Variants in POU2F3 observed in about 807,000 individuals in gnomAD.
The protein encoded by POU2F3 is POU domain, class 2, transcription factor 3.
In POU2F3, 23 loss-of-function variants were observed where a neutral mutation model predicts 59.2. The observed-to-expected ratio is 0.39, with a 90% confidence interval of 0.28 to 0.55. The LOEUF (loss-of-function observed/expected upper bound fraction) is 0.55. POU2F3 is among the 20% of genes least tolerant of loss of function. POU2F3 has a pLI of 0.66. For synonymous variants in POU2F3, 190 were observed against 214.6 expected (o/e 0.89, Z 1.00); for missense variants, 473 against 544.5 (o/e 0.87, Z 1.31).
At chr11:120,312,280 C>A (rs557793658) in intron 10 of POU2F3, among the ~76,000 whole-genome samples, 2 of 152,202 alleles carry the variant, frequency 1.3e-5, no homozygotes, top group South Asian at 4.2e-4. Context: ...CCCACCATCA[C>A]ACCTGGCTAA....
intron 10 of POU2F3, among the ~76,000 whole-genome samples, chr11:120,312,104 G>T (rs1337866802): frequency 6.6e-6 from 1 of 152,106 alleles, no homozygotes; most frequent in Non-Finnish European, 1.5e-5. Context: ...AGAAGGCATG[G>T]AATTTTTTAA....
chr11:120,299,971 A>G lies in POU2F3; in HGVS notation c.361+245A>G, dbSNP rs139801160. On this transcript the variant is annotated intron_variant, in intron 5 of 12. Transcript: ENST00000543440. ...TTGGGTGGTCTGGTCCACCTCCTCA[A>G]TTTCGTGGTGAGTGGAGACGGAAGG... Among the ~76,000 whole-genome samples the G allele has an allele frequency of 3.0e-3, 462 of 152,078 alleles. 1 individual carries two copies. The highest frequency in any genetic ancestry group is 3.6e-3 in the Non-Finnish European group (245 of 67,972).
Position 120,285,731 on chromosome 11 carries a change from T to C in POU2F3, c.133-12534T>C, listed in dbSNP as rs1168777934. Reference sequence around the variant, plus strand: ...ATTACAAATGGAAATGTATAAATTTTTGTGGCCTACACACATATGTACAAA... The same window carrying C: ...ATTACAAATGGAAATGTATAAATTTCTGTGGCCTACACACATATGTACAAA... On this transcript the variant is annotated intron_variant, in intron 3 of 12. Coordinates refer to ENST00000543440, the MANE Select transcript of POU2F3 (RefSeq NM_014352.4). This position sits in a 1 kb window ranked among gnomAD's most constrained non-coding sequence, Gnocchi z 4.3. 6.6e-6 allele frequency among the ~76,000 whole-genome samples: 1 copy of C among 152,248 alleles called. No individual in the cohort carries two copies. Among genetic ancestry groups the C allele is most frequent in the Non-Finnish European group, 1.5e-5 (1 of 68,046 alleles).
At chr11:120,267,995 A>G (rs1812757575) in intron 2 of POU2F3, among the ~76,000 whole-genome samples, 1 of 152,060 alleles carries the variant, frequency 6.6e-6, no homozygotes, top group African/African-American at 2.4e-5. Flanking sequence ...CTATTCACAT[A>G]GCAAAAGAGT....
At chr11:120,264,920 T>C (rs868033177) in intron 2 of POU2F3, among the ~76,000 whole-genome samples, 9 of 152,224 alleles carry the variant, frequency 5.9e-5, no homozygotes, top group African/African-American at 1.9e-4. Flanking sequence ...TTCCTTTCTC[T>C]GGGAAAGAGG....
chr11:120,267,603 GCCCA>G lies in POU2F3; in HGVS notation c.98-1606_98-1603del, dbSNP rs1591392983. 6.0e-5 allele frequency among the ~76,000 whole-genome samples: 4 copies of G among 67,148 alleles called. No homozygotes were observed. The East Asian group carries it at 0.067, about 1,119-fold the overall frequency. The allele number at this position is 67,148 out of a possible 152,430, so 44.1% of individuals were successfully genotyped here. On this transcript the variant is annotated intron_variant, in intron 2 of 12. Coordinates refer to ENST00000543440, the MANE Select transcript of POU2F3 (RefSeq NM_014352.4). The stretch of plus-strand genomic sequence containing the variant: ...GACCACACAGGAAAGGGCTGTACTT[GCCCA>G]TGGTTGTTTAGGACACAGCTGAGGA...
intron 6 of POU2F3, chr11:120,302,729 T>C (rs1343476952): frequency 8.9e-6 from 2 of 223,636 alleles, no homozygotes; most frequent in Non-Finnish European, 1.8e-5. Flanking sequence ...CTAGGTGCTC[T>C]CAAGCCCCAA....
At position 120,307,523 on chromosome 11, in the gene POU2F3, C is replaced by A; in HGVS notation, c.814C>A (p.Pro272Thr). The A allele has an allele frequency of 6.2e-7, 1 of 1,614,192 alleles. No individual in the cohort carries two copies. The highest frequency in any genetic ancestry group is 1.1e-5 in the South Asian group (1 of 91,084). Residue 272 changes from proline (P) to threonine (T), a missense_variant, in exon 9 of 13, where the codon CCC becomes ACC. Transcript: ENST00000543440. ...DPSVSTPSSY[P>T]SLSEVFGRKR... ...CTCAGTGAGCACGCCCAGCTCCTAC[C>A]CCAGCCTCAGTGAAGTATTTGGTAG...
At chr11:120,298,491 G>A (rs1417284065) in intron 4 of POU2F3, 101 bp downstream of exon 4, 12 of 1,494,588 alleles carry the variant, frequency 8.0e-6, no homozygotes, top group Admixed American at 6.0e-5. Flanking sequence ...ACCCCCTGCA[G>A]GCAATGTGGG....
At chr11:120,240,442 G>C (rs113817567) in intron 1 of POU2F3, 71 bp downstream of exon 1, 1 of 1,298,914 alleles carries the variant, frequency 7.7e-7, no homozygotes, top group Non-Finnish European at 9.9e-7. Context: ...GAGGGACAAC[G>C]TTCTGGTTAG....
intron 2 of POU2F3, among the ~76,000 whole-genome samples, chr11:120,251,458 A>G (rs1591375913): frequency 6.6e-6 from 1 of 152,362 alleles, no homozygotes; most frequent in East Asian, 1.9e-4. Context: ...CAGGACTTGA[A>G]TTTCTTCATC....
chr11:120,306,655 G>A (rs1187657474), intron 8 of POU2F3, among the ~76,000 whole-genome samples: 1 of 152,158 alleles, frequency 6.6e-6, no homozygotes, highest in Non-Finnish European at 1.5e-5. Flanking sequence ...GAGAGGGAGT[G>A]AGCCAGTCTC....
rs1941524782 is a variant in POU2F3 at position 120,307,385 on chromosome 11, C to A, written c.770-94C>A. The A allele has an allele frequency of 7.7e-6, 11 of 1,430,992 alleles. 1 individual carries two copies. In the South Asian group the frequency reaches 1.3e-4, roughly 16 times the overall value. The allele number at this position is 1,430,992 out of a possible 1,614,324, so 88.6% of individuals were successfully genotyped here. A position where few individuals can be genotyped will look rare whatever the true frequency, so the allele number is the denominator to read the frequency against. Reference sequence around the variant, plus strand: ...TGCTCCTGAAAATGCCACTGCAGAGCCCATCGGGAAGGGTTGTTGGACCTC... The same window carrying A: ...TGCTCCTGAAAATGCCACTGCAGAGACCATCGGGAAGGGTTGTTGGACCTC... On this transcript the variant is annotated intron_variant, in intron 8 of 12. Transcript: ENST00000543440.
intron 3 of POU2F3, among the ~76,000 whole-genome samples, chr11:120,272,036 C>T (rs1363740725): frequency 6.6e-6 from 1 of 152,154 alleles, no homozygotes; most frequent in African/African-American, 2.4e-5. Flanking sequence ...TCCCAGGCCC[C>T]TGCTTGAGGG....
intron 2 of POU2F3, among the ~76,000 whole-genome samples, chr11:120,259,719 T>G (rs1294067184): frequency 6.6e-6 from 1 of 152,212 alleles, no homozygotes; most frequent in Non-Finnish European, 1.5e-5. Flanking sequence ...TTAGAGGAAG[T>G]TGAAGGCTAC....
chr11:120,303,179 TAA>T (rs1941395574), intron 6 of POU2F3: 1 of 146,626 alleles, frequency 6.8e-6, no homozygotes, highest in Admixed American at 6.9e-5. Flanking sequence ...CTGAGGCCAC[TAA>T]AAGTACCTGG....
At chr11:120,307,211 C>T (rs1941518037) in intron 8 of POU2F3, among the ~76,000 whole-genome samples, 1 of 152,244 alleles carries the variant, frequency 6.6e-6, no homozygotes, top group East Asian at 1.9e-4. Context: ...GGAGACACTG[C>T]TGTGGGGGCC....
At chr11:120,250,674 G>T (rs1939058178) in intron 2 of POU2F3, among the ~76,000 whole-genome samples, 1 of 152,216 alleles carries the variant, frequency 6.6e-6, no homozygotes, top group African/African-American at 2.4e-5. Context: ...AGGGACAGGG[G>T]ACATAAGACA....
rs1000042506 is a variant in POU2F3 at position 120,318,708 on chromosome 11, G to C, written c.*316G>C. 12 of 316,854 alleles carry C rather than the reference G, an allele frequency of 3.8e-5. No homozygotes were observed. The highest frequency in any genetic ancestry group is 2.4e-4 in the African/African-American group (11 of 46,528). 19.6% of individuals were successfully genotyped at this position (316,854 alleles called of 1,614,324 possible). ...GCTTCACTGTGGCAATAGTCTTTCA[G>C]AGAAAAGACTTCTTGCTGTTATTCT... On this transcript the variant is annotated 3_prime_UTR_variant, in exon 13 of 13. Coordinates refer to ENST00000543440, the MANE Select transcript of POU2F3 (RefSeq NM_014352.4).
Sources: gnomAD v4.1 joint callset for allele counts (sites outside exome capture counted in the v4.1 genomes callset) on GRCh38, gnomAD v4.1.1 for gene constraint, Gnocchi (gnomAD v3.1) non-coding constraint, MANE v1.5 for transcripts, NCBI Gene and HGNC (gene_info 2026-07-23, HGNC 2026-07-21) for gene names.